Variants in PRIM2 observed in about 807,000 individuals in gnomAD.
The protein encoded by PRIM2 is DNA primase large subunit.
PRIM2 carries 39 observed loss-of-function variants against 67.3 expected under a neutral mutation model. The observed-to-expected ratio is 0.58, with a 90% CI of 0.45 to 0.76. The LOEUF (loss-of-function observed/expected upper bound fraction) is 0.76. Ranked by LOEUF, PRIM2 falls within the 30% of genes least tolerant of loss-of-function variation. The pLI is 0.00. For missense variants in PRIM2, 398 were observed against 598.7 expected, an observed-to-expected ratio of 0.66 and a Z score of 3.50; for synonymous variants, 143 against 198.7, an observed-to-expected ratio of 0.72 and a Z score of 2.36.
At chr6:57,349,734 A>T (rs1057453680) in intron 5 of PRIM2, among the ~76,000 whole-genome samples, 3 of 151,994 alleles carry the variant, frequency 2.0e-5, no homozygotes, top group African/African-American at 7.3e-5. Flanking sequence ...TTTTTGGAAG[A>T]TTTAAAGTAG....
At chr6:57,546,111 A>G (rs1287892785) in intron 10 of PRIM2, among the ~76,000 whole-genome samples, 1 of 152,232 alleles carries the variant, frequency 6.6e-6, no homozygotes, top group African/African-American at 2.4e-5. Context: ...CTAAAATAAT[A>G]TAATGAATGT....
intron 5 of PRIM2, among the ~76,000 whole-genome samples, chr6:57,338,192 G>C (rs1248872289): frequency 2.0e-5 from 3 of 152,120 alleles, no homozygotes; most frequent in African/African-American, 7.2e-5. Context: ...CCAATAACAG[G>C]ATCTGAAATT....
chr6:57,544,909 ATTAT>A (rs1443700301), intron 10 of PRIM2, among the ~76,000 whole-genome samples: 1 of 152,202 alleles, frequency 6.6e-6, no homozygotes, highest in Non-Finnish European at 1.5e-5. Context: ...GTTCATAGAT[ATTAT>A]TTATTTATAT....
At chr6:57,298,942 A>G in the PRIM2 span, among the ~76,000 whole-genome samples, 1 of 151,918 alleles carries the variant, frequency 6.6e-6, no homozygotes, top group East Asian at 1.9e-4. Context: ...TGCCAATTAT[A>G]ACTTCACACT....
chr6:57,446,859 C>T (rs867257995), intron 7 of PRIM2, among the ~76,000 whole-genome samples: 4 of 152,270 alleles, frequency 2.6e-5, no homozygotes, highest in Middle Eastern at 6.8e-3. Flanking sequence ...GCTGCACCTA[C>T]TGTTCCATGA....
At chr6:57,642,433 A>ATTTTTTTTT (rs1777256008) in intron 13 of PRIM2, among the ~76,000 whole-genome samples, 6 of 107,060 alleles carry the variant, frequency 5.6e-5, no homozygotes, top group Non-Finnish European at 7.4e-5. Flanking sequence ...TAAATATTAT[A>ATTTTTTTTT]TCTTTTTTTT....
At position 57,601,059 on chromosome 6, in the gene PRIM2, G is replaced by A. The variant is rs1776455137; in HGVS notation, c.1021-34G>A. The A allele has an allele frequency of 6.0e-5, 94 of 1,570,254 alleles. No homozygotes were observed. In the South Asian group the frequency reaches 9.7e-4, roughly 16 times the overall value. ...GACCTCACTAGTATAATTATTGGCT[G>A]ACTTTGTCTCTTTTTCCATTTCCTC... On this transcript the variant is annotated intron_variant, in intron 10 of 13. Coordinates refer to ENST00000615550, the MANE Select transcript of PRIM2 (RefSeq NM_000947.5).
the PRIM2 span, among the ~76,000 whole-genome samples, chr6:57,251,767 T>C: frequency 6.6e-6 from 1 of 152,198 alleles, no homozygotes; most frequent in Non-Finnish European, 1.5e-5. Flanking sequence ...AGTCTTCTTA[T>C]TTCCCACAAG....
the PRIM2 span, among the ~76,000 whole-genome samples, chr6:57,224,050 G>A: frequency 6.6e-6 from 1 of 152,180 alleles, no homozygotes; most frequent in Non-Finnish European, 1.5e-5. Flanking sequence ...ATTCACAATA[G>A]CCAAAGGGTG....
intron 7 of PRIM2, among the ~76,000 whole-genome samples, chr6:57,460,032 T>G (rs1353841632): frequency 3.3e-5 from 5 of 152,156 alleles, no homozygotes; most frequent in Admixed American, 3.3e-4. Flanking sequence ...CATGAAGCAT[T>G]AAAGGTTGTG....
chr6:57,537,333 GTT>G, intron 9 of PRIM2, 105 bp from the exon 10 acceptor site: 2 of 502,248 alleles, frequency 4.0e-6, no homozygotes, highest in Admixed American at 3.9e-5. Flanking sequence ...TTCTTATGGT[GTT>G]TTTTTTTTAT....
chr6:57,544,940 T>C (rs1282400261), intron 10 of PRIM2, among the ~76,000 whole-genome samples: 1 of 152,252 alleles, frequency 6.6e-6, no homozygotes, highest in African/African-American at 2.4e-5. Context: ...GAATACATGG[T>C]AAATTCTACC....
the PRIM2 span, among the ~76,000 whole-genome samples, chr6:57,284,661 G>A: frequency 2.5e-4 from 38 of 152,156 alleles, 1 homozygote; most frequent in African/African-American, 6.5e-4. Context: ...ATATCAAGAC[G>A]TTCCATAAAA....
chr6:57,453,601 G>A (rs1417229635), intron 7 of PRIM2, among the ~76,000 whole-genome samples: 1 of 152,160 alleles, frequency 6.6e-6, no homozygotes. Flanking sequence ...TGTTGTTGGT[G>A]TATAAGAATG....
chr6:57,560,515 G>C (rs1775605763), intron 10 of PRIM2, among the ~76,000 whole-genome samples: 2 of 151,470 alleles, frequency 1.3e-5, no homozygotes, highest in Admixed American at 1.3e-4. Context: ...ATTCTTTCCA[G>C]GTTTTCCATT....
chr6:57,579,153 A>G (rs1776028059), intron 10 of PRIM2, among the ~76,000 whole-genome samples: 1 of 135,998 alleles, frequency 7.4e-6, no homozygotes, highest in African/African-American at 2.6e-5. Context: ...AATTCTTGAT[A>G]CAGTTTTTTT....
the PRIM2 span, among the ~76,000 whole-genome samples, chr6:57,269,036 T>C: frequency 6.6e-6 from 1 of 152,038 alleles, no homozygotes; most frequent in African/African-American, 2.4e-5. Context: ...TCTATCATTG[T>C]TGGACATTTG....
At chr6:57,288,269 C>T in the PRIM2 span, among the ~76,000 whole-genome samples, 1 of 152,042 alleles carries the variant, frequency 6.6e-6, no homozygotes, top group Admixed American at 6.5e-5. Flanking sequence ...TTGGTGCTCA[C>T]AGCGTAAACA....
chr6:57,378,238 T>A (rs1769837541), intron 5 of PRIM2, among the ~76,000 whole-genome samples: 1 of 151,928 alleles, frequency 6.6e-6, no homozygotes, highest in Admixed American at 6.6e-5. Flanking sequence ...TGTTTTAATT[T>A]TTTTTTTTGT....
Sources: gnomAD v4.1 joint callset for allele counts (sites outside exome capture counted in the v4.1 genomes callset) on GRCh38, gnomAD v4.1.1 for gene constraint, MANE v1.5 for transcripts, NCBI Gene and HGNC (gene_info 2026-07-23, HGNC 2026-07-21) for gene names.